The following PTPRQ variants were observed in gnomAD, a reference collection of about 807,000 sequenced individuals.
PTPRQ encodes phosphatidylinositol phosphatase PTPRQ.
A neutral mutation model predicts 246.0 loss-of-function variants in PTPRQ; 199 were observed. The ratio of observed to expected loss-of-function variants is 0.81; its 90% CI spans 0.72 to 0.91. The LOEUF is 0.91. Among genes scored for constraint, PTPRQ ranks in the 40% least tolerant of loss-of-function variants. The probability of loss-of-function intolerance (pLI) is 0.00; values close to 1 mark genes in which losing one functional copy is unlikely to be tolerated. For missense variants in PTPRQ, 2,624 were observed against 2,528.4 expected, an observed-to-expected ratio of 1.04 and a Z score of -0.81; for synonymous variants, 869 against 853.2, an observed-to-expected ratio of 1.02 and a Z score of -0.32.
At chr12:80,558,925 T>C (rs1481634864) in intron 25 of PTPRQ, among the ~76,000 whole-genome samples, 2 of 152,346 alleles carry the variant, frequency 1.3e-5, no homozygotes, top group East Asian at 1.9e-4. Context: ...CATTTCCTCA[T>C]TGGATTGTTT....
intron 9 of PTPRQ, among the ~76,000 whole-genome samples, chr12:80,484,910 A>C (rs1894223262): frequency 6.6e-6 from 1 of 152,142 alleles, no homozygotes; most frequent in Non-Finnish European, 1.5e-5. Context: ...TTGTTCGGAA[A>C]CTCTTGTTAT....
At chr12:80,459,989 C>T (rs887418820) in intron 5 of PTPRQ, among the ~76,000 whole-genome samples, 4 of 152,038 alleles carry the variant, frequency 2.6e-5, no homozygotes, top group South Asian at 2.1e-4. Flanking sequence ...AAGAATTTGT[C>T]GTTACTCTGG....
chr12:80,534,870 T>A (rs1895941666), intron 18 of PTPRQ, 22 bp from the exon 19 acceptor site: 1 of 1,542,720 alleles, frequency 6.5e-7, no homozygotes, highest in African/African-American at 1.4e-5. Flanking sequence ...TACAGTAATT[T>A]GTTCAATTAT....
At chr12:80,670,259 C>A in intron 41 of PTPRQ, 85 bp from the exon 42 acceptor site, 1 of 1,502,762 alleles carries the variant, frequency 6.7e-7, no homozygotes, top group Non-Finnish European at 8.9e-7. Flanking sequence ...TAAAAGATCA[C>A]CTTCAAAAAC....
intron 25 of PTPRQ, among the ~76,000 whole-genome samples, chr12:80,558,027 T>C (rs942425515): frequency 6.6e-6 from 1 of 151,944 alleles, no homozygotes; most frequent in African/African-American, 2.4e-5. Flanking sequence ...GTAGCAATCT[T>C]CCTTCCTCTC....
chr12:80,547,010 GA>G (rs1896327365), intron 24 of PTPRQ: 8 of 195,796 alleles, frequency 4.1e-5, no homozygotes, highest in East Asian at 1.3e-4. Context: ...GACAGCTGGG[GA>G]AAAAGGGGGA....
chr12:80,538,116 A>G (rs1896044232), intron 19 of PTPRQ, among the ~76,000 whole-genome samples: 1 of 152,158 alleles, frequency 6.6e-6, no homozygotes, highest in South Asian at 2.1e-4. Context: ...TTTAAAGAAA[A>G]AAAAAGTGTT....
intron 42 of PTPRQ, among the ~76,000 whole-genome samples, chr12:80,672,967 C>T (rs1285329262): frequency 1.3e-5 from 2 of 152,060 alleles, no homozygotes; most frequent in Non-Finnish European, 2.9e-5. Flanking sequence ...TATTTGATAG[C>T]ATATTAATGA....
At chr12:80,617,543 G>A (rs758238843) in intron 30 of PTPRQ, among the ~76,000 whole-genome samples, 1 of 151,282 alleles carries the variant, frequency 6.6e-6, no homozygotes, top group Non-Finnish European at 1.5e-5. Context: ...CAGACGTGTA[G>A]GTGTACAGAT....
At chr12:80,483,892 T>C (rs113166740) in intron 8 of PTPRQ, among the ~76,000 whole-genome samples, 7 of 152,222 alleles carry the variant, frequency 4.6e-5, no homozygotes, top group African/African-American at 1.4e-4. Context: ...GCTTTATCCA[T>C]GTCCCTGCAA....
In PTPRQ at chr12:80,542,181, G is replaced by T. The variant is rs1350699698; in HGVS notation, c.3538G>T (p.Ala1180Ser). Residue 1180 changes from alanine (A) to serine (S), a missense_variant, in exon 22 of 45, where the codon GCA becomes TCA. Physicochemically the swap from Ala to Ser is moderately conservative, Grantham distance 99. Coordinates refer to ENST00000644991, the MANE Select transcript of PTPRQ (RefSeq NM_001145026.2). ...SWDPPVKPNG[A>S]IISYDLTLQG... ...GGATCCCCCAGTAAAGCCAAATGGTGCAATAATAAGTTATGATTTAACTTT... is the reference window on the plus strand; with the variant it reads ...GGATCCCCCAGTAAAGCCAAATGGTTCAATAATAAGTTATGATTTAACTTT... The T allele has an allele frequency of 1.3e-6, 2 of 1,550,988 alleles. No individual in the cohort carries two copies. Among genetic ancestry groups the T allele is most frequent in the South Asian group, 2.4e-5 (2 of 84,012 alleles).
chr12:80,452,697 A>G (rs192540234), intron 3 of PTPRQ, among the ~76,000 whole-genome samples: 1 of 152,078 alleles, frequency 6.6e-6, no homozygotes, highest in Non-Finnish European at 1.5e-5. Flanking sequence ...ATTGGCCCCC[A>G]CTCTCTTCTG....
At chr12:80,541,111 A>G (rs1443539303) in intron 20 of PTPRQ, among the ~76,000 whole-genome samples, 2 of 152,100 alleles carry the variant, frequency 1.3e-5, no homozygotes, top group African/African-American at 4.8e-5. Flanking sequence ...GGCTACCCAC[A>G]TGACCTTGGA....
intron 25 of PTPRQ, among the ~76,000 whole-genome samples, chr12:80,553,122 A>G (rs1342577428): frequency 6.6e-6 from 1 of 152,088 alleles, no homozygotes; most frequent in Non-Finnish European, 1.5e-5. Flanking sequence ...TCTAAAATTC[A>G]TTATTTTTCA....
intron 25 of PTPRQ, among the ~76,000 whole-genome samples, chr12:80,574,736 C>T (rs1226655522): frequency 6.6e-5 from 10 of 152,174 alleles, no homozygotes; most frequent in African/African-American, 1.4e-4. Flanking sequence ...ATTTTTTGTA[C>T]TTACTTTTAT....
chr12:80,589,065 G>A (rs919890562), intron 26 of PTPRQ, among the ~76,000 whole-genome samples: 1 of 152,190 alleles, frequency 6.6e-6, no homozygotes, highest in African/African-American at 2.4e-5. Flanking sequence ...GACTTTAAGT[G>A]CTTTTCCATA....
intron 14 of PTPRQ, among the ~76,000 whole-genome samples, chr12:80,505,787 T>A (rs1894937717): frequency 6.6e-6 from 1 of 151,966 alleles, no homozygotes; most frequent in Non-Finnish European, 1.5e-5. Flanking sequence ...AAACGTATCA[T>A]CTTATAACTG....
chr12:80,580,350 C>G (rs947363030), intron 25 of PTPRQ, among the ~76,000 whole-genome samples: 1 of 152,162 alleles, frequency 6.6e-6, no homozygotes, highest in Non-Finnish European at 1.5e-5. Context: ...TTTAGAAAAT[C>G]TAAGCAAGCT....
chr12:80,564,765 C>T (rs956613382), intron 25 of PTPRQ, among the ~76,000 whole-genome samples: 1 of 152,086 alleles, frequency 6.6e-6, no homozygotes, highest in African/African-American at 2.4e-5. Flanking sequence ...TATTACTAGT[C>T]CAGAATTCTT....
Sources: gnomAD v4.1 joint callset for allele counts (sites outside exome capture counted in the v4.1 genomes callset) on GRCh38, gnomAD v4.1.1 for gene constraint, MANE v1.5 for transcripts, NCBI Gene and HGNC (gene_info 2026-07-23, HGNC 2026-07-21) for gene names.